FUZ: variants seen among roughly 807,000 people sequenced by gnomAD.
FUZ encodes fuzzy planar cell polarity protein.
In FUZ, 31 loss-of-function variants were observed where a neutral mutation model predicts 43.1. The observed-to-expected ratio is 0.72, with a 90% confidence interval of 0.54 to 0.97. The LOEUF (loss-of-function observed/expected upper bound fraction) is 0.97. Among genes scored for constraint, FUZ ranks in the 50% least tolerant of loss-of-function variants. FUZ has a pLI of 0.00. For missense variants in FUZ, 539 were observed against 543.8 expected (o/e 0.99, Z 0.09); for synonymous variants, 274 against 250.0 (o/e 1.10, Z -0.91).
At position 49,807,029 on chromosome 19, in the gene FUZ, A is replaced by AC; in HGVS notation, c.*121dup. The stretch of plus-strand genomic sequence containing the variant: ...GGAAGTGGATGTCTCCTCCCCTCCC[A>AC]CCCCACCCTGTTGTAGCCCCTCCTA... On this transcript the variant is annotated 3_prime_UTR_variant, in exon 11 of 11. Coordinates refer to ENST00000313777, the MANE Select transcript of FUZ (RefSeq NM_025129.5). The AC allele has an allele frequency of 1.9e-6, 1 of 524,990 alleles. No individual in the cohort carries two copies. Among genetic ancestry groups the AC allele is most frequent in the Non-Finnish European group, 2.7e-6 (1 of 374,692 alleles). The allele number at this position is 524,990 out of a possible 1,614,324, so 32.5% of individuals were successfully genotyped here. A position where few individuals can be genotyped will look rare whatever the true frequency, so the allele number is the denominator to read the frequency against.
rs745938972 is a variant in FUZ, at chr19:49,811,729, G to A, written c.319-30C>T. On this transcript the variant is annotated intron_variant, in intron 3 of 10. Transcript: ENST00000313777. ...AAGAATCATATAGGAGAGGATGGGCGAGGGGCTGGGACTTGAACTCCTGGG... is the reference window on the plus strand; with the variant it reads ...AAGAATCATATAGGAGAGGATGGGCAAGGGGCTGGGACTTGAACTCCTGGG... 2.4e-5 allele frequency: 37 copies of A among 1,568,078 alleles called. No individual in the cohort carries two copies. In the South Asian group the frequency reaches 2.9e-4, roughly 12 times the overall value.
chr19:49,807,832 C>T (rs894241430), intron 10 of FUZ, among the ~76,000 whole-genome samples: 1 of 152,214 alleles, frequency 6.6e-6, no homozygotes, highest in African/African-American at 2.4e-5. Flanking sequence ...ATCCGGGCTT[C>T]ACTGGGGTCA....
Position 49,809,680 on chromosome 19 carries a change from G to T in FUZ, c.493-105C>A. On this transcript the variant is annotated intron_variant, in intron 5 of 10. Transcript: ENST00000313777. This position sits in a 1 kb window ranked among gnomAD's most constrained non-coding sequence, Gnocchi z 5.1. The stretch of plus-strand genomic sequence containing the variant: ...TGGGGAGAAACCCACAGCCAGCCCC[G>T]AGCTCGCGCAGTGGCCATGCTCCTA... 1 of 1,219,630 alleles carries T rather than the reference G, an allele frequency of 8.2e-7. No individual in the cohort carries two copies. Among genetic ancestry groups the T allele is most frequent in the Non-Finnish European group, 1.2e-6 (1 of 862,142 alleles). 75.6% of individuals were successfully genotyped at this position (1,219,630 alleles called of 1,614,324 possible). A position where few individuals can be genotyped will look rare whatever the true frequency, so the allele number is the denominator to read the frequency against.
chr19:49,811,276 T>C (rs777338732), intron 5 of FUZ, 87 bp downstream of exon 5: 7 of 879,088 alleles, frequency 8.0e-6, no homozygotes, highest in Middle Eastern at 2.1e-4. Flanking sequence ...TAGGAGGAGG[T>C]TGGGACAATG....
At position 49,807,233 on chromosome 19, in the gene FUZ, A is replaced by C; in HGVS notation, c.1175T>G (p.Leu392Arg). The C allele has an allele frequency of 1.2e-6, 2 of 1,612,898 alleles. No homozygotes were observed. Among genetic ancestry groups the C allele is most frequent in the Non-Finnish European group, 8.5e-7 (1 of 1,179,758 alleles). Reference sequence around the variant, plus strand: ...GGTGGGACTCTGGGGAGACAGCAGCAGCAGCAGCCGCCGAAGCCCCAGCTG... The same window carrying C: ...GGTGGGACTCTGGGGAGACAGCAGCCGCAGCAGCCGCCGAAGCCCCAGCTG... Reference protein sequence around the residue: ...ALQLGLRRLLLLLSPQSPTHG... With the variant: ...ALQLGLRRLLRLLSPQSPTHG... The change falls in exon 11 of 11, where the codon CTG becomes CGG. Residue 392 changes from leucine (L) to arginine (R), a missense_variant. Transcript: ENST00000313777.
chr19:49,808,668 T>G (rs2073553136), intron 8 of FUZ, 30 bp from the exon 9 acceptor site: 1 of 1,610,390 alleles, frequency 6.2e-7, no homozygotes, highest in African/African-American at 1.3e-5. Context: ...ATGTCATGGC[T>G]GGGGAAGAGG....
chr19:49,810,607 A>T (rs934202609), intron 5 of FUZ, among the ~76,000 whole-genome samples: 4 of 147,324 alleles, frequency 2.7e-5, no homozygotes, highest in Non-Finnish European at 4.5e-5. Context: ...TGAACCCAGG[A>T]GGCAGAGGTT....
Position 49,812,314 on chromosome 19 carries a change from T to C in FUZ, c.255A>G (p.Ser85=). The change falls in exon 3 of 11, where the codon TCA becomes TCG. Residue 85 remains serine, a synonymous_variant. Transcript: ENST00000313777. ...FHDSITLIVL[S]SEVGISELRL... The stretch of plus-strand genomic sequence containing the variant: ...TCAGCTCAGAGATGCCCACCTCAGA[T>C]GACAGAACAATGAGGGTGATGCTGT... The C allele has an allele frequency of 1.2e-6, 2 of 1,613,906 alleles. No individual in the cohort carries two copies. The highest frequency in any genetic ancestry group is 8.5e-7 in the Non-Finnish European group (1 of 1,179,842).
At position 49,809,184 on chromosome 19, in the gene FUZ, G is replaced by A; in HGVS notation, c.765C>T (p.Pro255=). ...TCACCTGTGGATACAACTGGCTGAG[G>A]GGTGGGCTCGGCCCGCAGAGTAGAC... The part of the protein sequence containing the change: ...ELCLLCGPSP[P]LSQLYPQLLE... Residue 255 remains proline (P), a synonymous_variant, in exon 7 of 11, where the codon CCC becomes CCT. Transcript: ENST00000313777. The surrounding 1 kb of genome is among the most constrained non-coding windows in gnomAD (Gnocchi z 5.1). 1.3e-6 allele frequency: 2 copies of A among 1,551,794 alleles called. No individual in the cohort carries two copies. Among genetic ancestry groups the A allele is most frequent in the South Asian group, 2.4e-5 (2 of 84,098 alleles).
chr19:49,807,675 G>A (rs1047989201), intron 10 of FUZ, among the ~76,000 whole-genome samples: 1 of 152,166 alleles, frequency 6.6e-6, no homozygotes, highest in Admixed American at 6.5e-5. Flanking sequence ...CAACACAGGA[G>A]CTCCTGTAGC....
At position 49,812,697 on chromosome 19, in the gene FUZ, T is replaced by C. The variant is rs151114579; in HGVS notation, c.151A>G (p.Met51Val). 6.2e-6 allele frequency: 10 copies of C among 1,613,820 alleles called. No homozygotes were observed. The African/African-American group carries it at 1.3e-4, about 22-fold the overall frequency. The change falls in exon 2 of 11, where the codon ATG becomes GTG. Residue 51 changes from methionine (M) to valine (V), a missense_variant. Physicochemically the swap from Met to Val is conservative, Grantham distance 21 (BLOSUM62 1). Coordinates refer to ENST00000313777, the MANE Select transcript of FUZ (RefSeq NM_025129.5). ...TGCACCTCCAGATTCTGCCCAAACA[T>C]GTGGACTCCATTGAGGGAACCGATG... ...SVIGSLNGVH[M>V]FGQNLEVQLS...
rs1422366406 is a variant in FUZ, at chr19:49,809,580, G to T, written c.493-5C>A. The T allele has an allele frequency of 6.3e-7, 1 of 1,590,010 alleles. No individual in the cohort carries two copies. The highest frequency in any genetic ancestry group is 8.5e-7 in the Non-Finnish European group (1 of 1,173,664). On this transcript the variant is annotated splice_polypyrimidine_tract_variant and splice_region_variant and intron_variant, in intron 5 of 10. Coordinates refer to ENST00000313777, the MANE Select transcript of FUZ (RefSeq NM_025129.5). The surrounding 1 kb of genome is among the most constrained non-coding windows in gnomAD (Gnocchi z 5.1). Reference sequence around the variant, plus strand: ...AGCGAACCCGGAGAGGGCTTCCTGGGTACGGGAGGCAGGAGGACTGGGAGT... The same window carrying T: ...AGCGAACCCGGAGAGGGCTTCCTGGTTACGGGAGGCAGGAGGACTGGGAGT...
chr19:49,807,085 T>C lies in FUZ; in HGVS notation c.*66A>G, dbSNP rs993719788. Reference sequence around the variant, plus strand: ...TCCCCATCCAGGGGCTGTGTATTATTGTGAGCGAATAAACAGAGAGACGCT... The same window carrying C: ...TCCCCATCCAGGGGCTGTGTATTATCGTGAGCGAATAAACAGAGAGACGCT... On this transcript the variant is annotated 3_prime_UTR_variant, in exon 11 of 11. Coordinates refer to ENST00000313777, the MANE Select transcript of FUZ (RefSeq NM_025129.5). The C allele has an allele frequency of 1.2e-5, 19 of 1,605,714 alleles. No homozygotes were observed. The Admixed American group carries it at 2.0e-4, about 17-fold the overall frequency.
chr19:49,811,742 T>C, intron 3 of FUZ, 43 bp from the exon 4 acceptor site: 1 of 1,506,864 alleles, frequency 6.6e-7, no homozygotes. Flanking sequence ...GGGCTGGGAC[T>C]TGAACTCCTG....
At chr19:49,811,190 G>C (rs1257259958) in intron 5 of FUZ, 173 bp downstream of exon 5, 2 of 662,796 alleles carry the variant, frequency 3.0e-6, no homozygotes, top group Non-Finnish European at 5.4e-6. Context: ...AGAAAAGAAA[G>C]AGAAAGAAAA....
Position 49,809,656 on chromosome 19 carries a change from G to A in FUZ, c.493-81C>T, listed in dbSNP as rs2073658973. ...GCGACTTCCCAGATGGGCAGGGAAT[G>A]GGGAGAAACCCACAGCCAGCCCCGA... is the stretch of plus-strand genomic sequence containing the variant. On this transcript the variant is annotated intron_variant, in intron 5 of 10. Transcript: ENST00000313777. This position sits in a 1 kb window ranked among gnomAD's most constrained non-coding sequence, Gnocchi z 5.1. 1.4e-6 allele frequency: 2 copies of A among 1,429,872 alleles called. No homozygotes were observed. Among genetic ancestry groups the A allele is most frequent in the Admixed American group, 2.0e-5 (1 of 50,906 alleles). 88.6% of individuals were successfully genotyped at this position (1,429,872 alleles called of 1,614,324 possible).
At chr19:49,811,252 G>A (rs761024724) in intron 5 of FUZ, 111 bp downstream of exon 5, 4 of 752,824 alleles carry the variant, frequency 5.3e-6, no homozygotes, top group South Asian at 4.4e-5. Flanking sequence ...GGATAGGACT[G>A]GAAGCTGAGA....
chr19:49,808,544 A>ACCCCAG (rs2073538316), intron 9 of FUZ, 30 bp downstream of exon 9: 10 of 1,591,256 alleles, frequency 6.3e-6, no homozygotes, highest in Non-Finnish European at 6.8e-6. Context: ...CGCCCCTCCT[A>ACCCCAG]CCCCTGCCCC....
rs778244555 is a variant in FUZ, at chr19:49,808,589, G to A, written c.943C>T (p.Pro315Ser). Residue 315 changes from proline (P) to serine (S), a missense_variant, in exon 9 of 11, where the codon CCC becomes TCC. Physicochemically the swap from Pro to Ser is moderately conservative, Grantham distance 74 (BLOSUM62 -1). Transcript: ENST00000313777. ...CCTCAGTCACCTTTATCCCCCAAGG[G>A]CTCCACGGTGAAGAGGCAGCGCTTC... ...ELKRCLFTVE[P>S]LGDKEPSPEQ... is the part of the protein sequence containing the mutation. The A allele has an allele frequency of 4.3e-6, 7 of 1,611,714 alleles. No homozygotes were observed. The South Asian group carries it at 7.7e-5, about 18-fold the overall frequency.
Sources: gnomAD v4.1 joint callset for allele counts (sites outside exome capture counted in the v4.1 genomes callset) on GRCh38, gnomAD v4.1.1 for gene constraint, Gnocchi (gnomAD v3.1) non-coding constraint, MANE v1.5 for transcripts, NCBI Gene and HGNC (gene_info 2026-07-23, HGNC 2026-07-21) for gene names.